The following GRAMD1C variants were observed in gnomAD, a reference collection of about 807,000 sequenced individuals.
The protein encoded by GRAMD1C is GRAM domain containing 1C, also known as protein Aster-C.
In GRAMD1C, 89 loss-of-function variants were observed where a neutral mutation model predicts 97.8. The ratio of observed to expected loss-of-function variants is 0.91; its 90% CI spans 0.77 to 1.09. The LOEUF (loss-of-function observed/expected upper bound fraction) is 1.09, where lower values mean the gene tolerates loss of function less well. GRAMD1C is among the 50% of genes least tolerant of loss of function. The pLI is 0.00. For missense variants in GRAMD1C, 740 were observed against 766.4 expected, an observed-to-expected ratio of 0.97 and a Z score of 0.41; for synonymous variants, 256 against 267.0, an observed-to-expected ratio of 0.96 and a Z score of 0.40.
intron 5 of GRAMD1C, among the ~76,000 whole-genome samples, chr3:113,877,675 C>G (rs1267746551): frequency 6.6e-6 from 1 of 152,280 alleles, no homozygotes. Flanking sequence ...ATGATTTTAA[C>G]TTCTACCATT....
rs749341206 is a variant in GRAMD1C at position 113,882,763 on chromosome 3, A to G, written c.471A>G (p.Thr157=). 6 of 1,580,898 alleles carry G rather than the reference A, an allele frequency of 3.8e-6. No individual in the cohort carries two copies. The East Asian group carries it at 6.7e-5, about 18-fold the overall frequency. Residue 157 remains threonine, a synonymous_variant, in exon 6 of 18, where the codon ACA becomes ACG. Coordinates refer to ENST00000358160, the MANE Select transcript of GRAMD1C (RefSeq NM_017577.5). The part of the protein sequence containing the change: ...IVTESEKFFF[T]SFGARDRSYL... ...ATTTTTCTTTGCAGTTTTTCTTCAC[A>G]TCTTTTGGTGCCAGGGATAGAAGTT...
chr3:113,945,429 C>A lies in GRAMD1C; in HGVS notation c.1940C>A (p.Thr647Lys). Residue 647 changes from threonine to lysine, a missense_variant, in exon 18 of 18, where the codon ACG (threonine) becomes AAG (lysine). Physicochemically the swap from Thr to Lys is moderately conservative, Grantham distance 78 (BLOSUM62 -1). Transcript: ENST00000358160. Reference protein sequence around the residue: ...LKSSLIMLQKTFDLLNKNKTG... With the variant: ...LKSSLIMLQKKFDLLNKNKTG... ...AGCTCACTCATTATGCTTCAGAAAA[C>A]GTTTGATCTACTAAATAAGAATAAG... The A allele has an allele frequency of 6.2e-7, 1 of 1,600,022 alleles. No individual in the cohort carries two copies. The highest frequency in any genetic ancestry group is 8.6e-7 in the Non-Finnish European group (1 of 1,167,964).
chr3:113,944,493 A>G (rs895640252), intron 17 of GRAMD1C, among the ~76,000 whole-genome samples: 16 of 152,224 alleles, frequency 1.1e-4, no homozygotes, highest in African/African-American at 3.9e-4. Context: ...CTGGATGACT[A>G]ACAGGATTCC....
chr3:113,837,251 A>G (rs1709648119), upstream of GRAMD1C, among the ~76,000 whole-genome samples: 1 of 152,020 alleles, frequency 6.6e-6, no homozygotes, highest in Non-Finnish European at 1.5e-5. Context: ...GAATTACATG[A>G]GTTAGCCACT....
intron 6 of GRAMD1C, among the ~76,000 whole-genome samples, chr3:113,896,380 T>C (rs1935949072): frequency 6.6e-6 from 1 of 152,204 alleles, no homozygotes. Flanking sequence ...TCCTCTATTT[T>C]CTCTTTGTGT....
chr3:113,934,753 A>AT (rs1421193734), intron 13 of GRAMD1C, among the ~76,000 whole-genome samples: 1 of 151,390 alleles, frequency 6.6e-6, no homozygotes, highest in African/African-American at 2.4e-5. Context: ...TTTATTTTTT[A>AT]TTTTTTTTGA....
At chr3:113,832,080 A>G (rs1293027960) in intron 1 of GRAMD1C, among the ~76,000 whole-genome samples, 1 of 150,406 alleles carries the variant, frequency 6.6e-6, no homozygotes. Flanking sequence ...CTCAGGCTGG[A>G]GTGCAGTGTG....
At chr3:113,842,231 T>C (rs1202381094) in intron 1 of GRAMD1C, among the ~76,000 whole-genome samples, 7 of 152,216 alleles carry the variant, frequency 4.6e-5, no homozygotes, top group African/African-American at 1.7e-4. Flanking sequence ...GGATACCTTG[T>C]TTAAATTTAG....
rs541619315 is a variant in GRAMD1C, at chr3:113,882,303, A to C, written c.460-449A>C. 1.2e-4 allele frequency among the ~76,000 whole-genome samples: 18 copies of C among 152,318 alleles called. No individual in the cohort carries two copies. The South Asian group carries it at 3.5e-3, about 30-fold the overall frequency. On this transcript the variant is annotated intron_variant, in intron 5 of 17. Coordinates refer to ENST00000358160, the MANE Select transcript of GRAMD1C (RefSeq NM_017577.5). The stretch of plus-strand genomic sequence containing the variant: ...ACCATGAAAACTGATATAATTAAAA[A>C]TTAAGATCCTTAAATCTATCTCTGA...
At chr3:113,872,061 T>C (rs1031195471) in intron 3 of GRAMD1C, among the ~76,000 whole-genome samples, 1 of 152,178 alleles carries the variant, frequency 6.6e-6, no homozygotes, top group East Asian at 1.9e-4. Flanking sequence ...ATAAATATCA[T>C]AATGAATTAA....
At chr3:113,945,147 G>A (rs1938006551) in intron 17 of GRAMD1C, among the ~76,000 whole-genome samples, 1 of 152,134 alleles carries the variant, frequency 6.6e-6, no homozygotes, top group Non-Finnish European at 1.5e-5. Flanking sequence ...TTTGATTAAT[G>A]GACCTATTGG....
At chr3:113,908,288 T>G (rs1415866504) in intron 8 of GRAMD1C, among the ~76,000 whole-genome samples, 2 of 152,246 alleles carry the variant, frequency 1.3e-5, no homozygotes, top group African/African-American at 4.8e-5. Flanking sequence ...AATAGCATCA[T>G]ACTTTAATGC....
At chr3:113,936,568 T>C (rs1201483594) in intron 14 of GRAMD1C, 126 bp downstream of exon 14, 3 of 590,912 alleles carry the variant, frequency 5.1e-6, no homozygotes, top group African/African-American at 3.8e-5. Context: ...GGATAATGTT[T>C]ATCAAACTCT....
rs200917151 is a variant in GRAMD1C, at chr3:113,858,393, C to CGTTTT, written c.175-11114_175-11113insGTTTT. Among the ~76,000 whole-genome samples the CGTTTT allele has an allele frequency of 2.1e-4, 16 of 76,604 alleles. 5 individuals carry two copies. Among genetic ancestry groups the CGTTTT allele is most frequent in the East Asian group, 3.6e-4 (1 of 2,744 alleles). The allele number at this position is 76,604 out of a possible 152,430, so 50.3% of individuals were successfully genotyped here. A position where few individuals can be genotyped will look rare whatever the true frequency, so the allele number is the denominator to read the frequency against. On this transcript the variant is annotated intron_variant, in intron 2 of 17. Coordinates refer to ENST00000358160, the MANE Select transcript of GRAMD1C (RefSeq NM_017577.5). ...GATTACAGGCATGTAATCCCAGCTA[C>CGTTTT]ATTTTTTTTTTTTTTTTTTTGAGAC...
intron 10 of GRAMD1C, among the ~76,000 whole-genome samples, chr3:113,922,168 C>G (rs980128911): frequency 1.3e-5 from 2 of 151,880 alleles, no homozygotes; most frequent in Non-Finnish European, 2.9e-5. Flanking sequence ...ACCTCCTGGA[C>G]TCAAACAATT....
chr3:113,830,804 C>T (rs11706726), intron 1 of GRAMD1C, among the ~76,000 whole-genome samples: 94,305 of 152,120 alleles, frequency 0.62, 30,097 homozygotes, highest in South Asian at 0.71. Context: ...ACAATTATAA[C>T]AAACAGGAAA....
At chr3:113,927,945 A>G (rs181766955) in intron 10 of GRAMD1C, among the ~76,000 whole-genome samples, 3 of 152,214 alleles carry the variant, frequency 2.0e-5, no homozygotes, top group Admixed American at 2.0e-4. Flanking sequence ...CATGGACTTG[A>G]GAGTTGTCGC....
chr3:113,846,112 T>A (rs1049652445), intron 2 of GRAMD1C, among the ~76,000 whole-genome samples: 1 of 356 alleles, frequency 2.8e-3, no homozygotes, highest in African/African-American at 3.2e-3. Context: ...CTGCACTAAT[T>A]TTTTTTTTTT....
intron 2 of GRAMD1C, chr3:113,850,183 C>CTTT: frequency 5.2e-6 from 2 of 387,586 alleles, no homozygotes; most frequent in East Asian, 7.1e-5. Flanking sequence ...TATATACTTA[C>CTTT]TTTTTTTTTT....
Sources: allele counts gnomAD v4.1 joint callset (sites outside exome capture counted in the v4.1 genomes callset), GRCh38; gene constraint gnomAD v4.1.1; transcripts MANE v1.5; gene names NCBI Gene and HGNC (gene_info 2026-07-23, HGNC 2026-07-21).